The following NEK3 variants were observed in gnomAD, a reference collection of about 807,000 sequenced individuals.
NEK3 encodes serine/threonine-protein kinase Nek3.
In NEK3, 54 loss-of-function variants were observed where a neutral mutation model predicts 66.0. The ratio of observed to expected loss-of-function variants is 0.82; its 90% confidence interval spans 0.66 to 1.03. NEK3 has a LOEUF of 1.03. Among genes scored for constraint, NEK3 ranks in the 50% least tolerant of loss-of-function variants. The pLI is 0.00. For synonymous variants in NEK3, 200 were observed against 206.2 expected (o/e 0.97, Z 0.26); for missense variants, 593 against 603.0 (o/e 0.98, Z 0.17).
chr13:52,151,707 A>T (rs1436507755), intron 5 of NEK3, among the ~76,000 whole-genome samples: 1 of 152,244 alleles, frequency 6.6e-6, no homozygotes, highest in East Asian at 1.9e-4. Flanking sequence ...CCATCTGAGA[A>T]CACATGGACT....
At chr13:52,144,533 G>C (rs528037215) in intron 9 of NEK3, among the ~76,000 whole-genome samples, 158 bp downstream of exon 9, 78 of 152,358 alleles carry the variant, frequency 5.1e-4, no homozygotes, top group African/African-American at 1.8e-3. Context: ...TTGTGGGCGG[G>C]AAGAGGAAGG....
chr13:52,144,699 GT>G lies in NEK3; in HGVS notation c.795del (p.Leu265PhefsTer14), dbSNP rs1396834145. The G allele has an allele frequency of 1.9e-6, 3 of 1,613,554 alleles. No homozygotes were observed. Among genetic ancestry groups the G allele is most frequent in the Non-Finnish European group, 2.5e-6 (3 of 1,179,716 alleles). ...TCCAACACAGATCATACCTCGGGGG[GT>G]AAGCACTTCTGGACAAGCCGAGCTA... The part of the protein sequence containing the change: ...GIVARLVQKC[L>X]PPEIIMEYGE... On this transcript the variant is annotated frameshift_variant, in exon 9 of 16. Transcript: ENST00000610828. LOFTEE classifies it high-confidence loss of function.
chr13:52,136,904 T>C lies in NEK3; in HGVS notation c.928-2A>G. The C allele has an allele frequency of 6.5e-7, 1 of 1,546,742 alleles. No individual in the cohort carries two copies. On this transcript the variant is annotated splice_acceptor_variant, in intron 11 of 15. Transcript: ENST00000610828. LOFTEE classifies it high-confidence loss of function. ...CTTTCTATCTTGTTCTTCCTCTTGCTTTAAAAGAGATTAACAATACAGATT... is the reference window on the plus strand; with the variant it reads ...CTTTCTATCTTGTTCTTCCTCTTGCCTTAAAAGAGATTAACAATACAGATT...
At chr13:52,154,235 A>C in intron 2 of NEK3, 62 bp from the exon 3 acceptor site, 1 of 1,050,626 alleles carries the variant, frequency 9.5e-7, no homozygotes, top group Non-Finnish European at 1.4e-6. Context: ...ATAACTTTAC[A>C]ATAACATGGT....
chr13:52,148,210 T>C (rs1956310230), intron 8 of NEK3: 2 of 434,132 alleles, frequency 4.6e-6, no homozygotes, highest in African/African-American at 2.0e-5. Flanking sequence ...AGGTTATGTA[T>C]TGCACAGCCA....
rs777506992 is a variant in NEK3 at position 52,156,235 on chromosome 13, T to C, written c.-44A>G. On this transcript the variant is annotated 5_prime_UTR_variant, in exon 2 of 16. The change abolishes an upstream ATG in the 5' untranslated region. Coordinates refer to ENST00000610828, the MANE Select transcript of NEK3 (RefSeq NM_002498.3). The stretch of plus-strand genomic sequence containing the variant: ...CTGGGCTCCACTCACGCAGTCACCA[T>C]GGGCTCTCCCAAACTGCATTCAAAA... The C allele has an allele frequency of 1.8e-5, 21 of 1,185,026 alleles. No individual in the cohort carries two copies. In the South Asian group the frequency reaches 2.4e-4, roughly 13 times the overall value. The allele number at this position is 1,185,026 out of a possible 1,614,324, so 73.4% of individuals were successfully genotyped here. A position where few individuals can be genotyped will look rare whatever the true frequency, so the allele number is the denominator to read the frequency against.
Position 52,144,716 on chromosome 13 carries a change from A to G in NEK3, c.779T>C (p.Leu260Pro). Residue 260 changes from leucine (L) to proline (P), a missense_variant, in exon 9 of 16, where the codon CTT (leucine) becomes CCT (proline). Coordinates refer to ENST00000610828, the MANE Select transcript of NEK3 (RefSeq NM_002498.3). ...CTCGGGGGGTAAGCACTTCTGGACA[A>G]GCCGAGCTACGATGCCTCGAGAGAG... ...TLLSRGIVARLVQKCLPPEII... is the reference protein window; with the variant it reads ...TLLSRGIVARPVQKCLPPEII... The G allele has an allele frequency of 1.9e-6, 3 of 1,613,928 alleles. No homozygotes were observed. The highest frequency in any genetic ancestry group is 2.5e-6 in the Non-Finnish European group (3 of 1,179,868).
rs535535645 is a variant in NEK3, at chr13:52,154,134, G to T, written c.157C>A (p.Leu53Ile). ...TTAGGGTGTTTCATTTTGGCTAAAA[G>T]AACAGCCTCCTTCCTAGAATTCTGT... Reference protein sequence around the residue: ...NTQNSRKEAVLLAKMKHPNIV... With the variant: ...NTQNSRKEAVILAKMKHPNIV... The change falls in exon 3 of 16, where the codon CTT becomes ATT. Residue 53 changes from leucine to isoleucine, a missense_variant. Transcript: ENST00000610828. 82 of 1,611,630 alleles carry T rather than the reference G, an allele frequency of 5.1e-5. No individual in the cohort carries two copies. The East Asian group carries it at 1.8e-3, about 35-fold the overall frequency.
chr13:52,155,284 G>A (rs1159252108), intron 2 of NEK3, among the ~76,000 whole-genome samples: 2 of 152,198 alleles, frequency 1.3e-5, no homozygotes. Flanking sequence ...TAGTCTTCAT[G>A]TAATGAATTC....
intron 2 of NEK3, 93 bp from the exon 3 acceptor site, chr13:52,154,266 A>T (rs1956373116): frequency 4.0e-6 from 3 of 753,780 alleles, no homozygotes; most frequent in Non-Finnish European, 6.2e-6. Context: ...CTTTAATGCT[A>T]GATGCAGTTT....
intron 11 of NEK3, among the ~76,000 whole-genome samples, chr13:52,138,859 AG>A (rs890405571): frequency 6.6e-6 from 1 of 152,126 alleles, no homozygotes; most frequent in African/African-American, 2.4e-5. Flanking sequence ...TGAGCCCAGG[AG>A]GTTGAGTCTG....
chr13:52,152,107 C>T (rs1956351975), intron 5 of NEK3, among the ~76,000 whole-genome samples: 1 of 152,192 alleles, frequency 6.6e-6, no homozygotes, highest in Non-Finnish European at 1.5e-5. Flanking sequence ...TGTACTACTA[C>T]AGAGATTTCA....
intron 7 of NEK3, 96 bp from the exon 8 acceptor site, chr13:52,148,565 G>T: frequency 7.7e-6 from 8 of 1,033,246 alleles, no homozygotes; most frequent in Non-Finnish European, 1.2e-5. Context: ...GATATCACAA[G>T]TAATTCCTAG....
Position 52,158,092 on chromosome 13 carries a change from G to A in NEK3, c.-58+1451C>T, listed in dbSNP as rs1224721931. ...CGGTTTCTCCATGTTGGTCAGGCTGGGCTCGAACTCCCGACCTCAGATGAT... is the reference window on the plus strand; with the variant it reads ...CGGTTTCTCCATGTTGGTCAGGCTGAGCTCGAACTCCCGACCTCAGATGAT... On this transcript the variant is annotated intron_variant, in intron 1 of 15. Transcript: ENST00000610828. Among the ~76,000 whole-genome samples the A allele has an allele frequency of 2.6e-5, 4 of 152,162 alleles. No homozygotes were observed. In the East Asian group the frequency reaches 5.8e-4, roughly 22 times the overall value.
At chr13:52,155,701 G>A in intron 2 of NEK3, among the ~76,000 whole-genome samples, 1 of 51,724 alleles carries the variant, frequency 1.9e-5, no homozygotes, top group Non-Finnish European at 8.9e-5. Flanking sequence ...TTTTGAGACA[G>A]AGTCTTATTT....
chr13:52,145,769 A>G (rs1956290921), intron 8 of NEK3, among the ~76,000 whole-genome samples: 1 of 152,282 alleles, frequency 6.6e-6, no homozygotes, highest in South Asian at 2.1e-4. Context: ...ATATATCAGA[A>G]CTAACATTAG....
At chr13:52,149,191 G>A (rs1483091460) in intron 7 of NEK3, among the ~76,000 whole-genome samples, 2 of 151,768 alleles carry the variant, frequency 1.3e-5, no homozygotes, top group African/African-American at 4.8e-5. Context: ...GAGCCACCGC[G>A]CCCAGCCCAC....
intron 15 of NEK3, 136 bp from the exon 16 acceptor site, chr13:52,133,362 A>T (rs968808777): frequency 1.1e-5 from 8 of 736,748 alleles, no homozygotes; most frequent in Non-Finnish European, 1.8e-5. Flanking sequence ...GAAGGGAAAA[A>T]ATTGCCAGTT....
At chr13:52,156,331 G>C (rs1956396202) in intron 1 of NEK3, 83 bp from the exon 2 acceptor site, 2 of 591,492 alleles carry the variant, frequency 3.4e-6, no homozygotes, top group Non-Finnish European at 6.0e-6. Context: ...TCATAACCAT[G>C]ATAAGAGAAA....
Sources: allele counts gnomAD v4.1 joint callset (sites outside exome capture counted in the v4.1 genomes callset), GRCh38; gene constraint gnomAD v4.1.1; transcripts MANE v1.5; gene names NCBI Gene and HGNC (gene_info 2026-07-23, HGNC 2026-07-21).